GRID2: variants seen among roughly 807,000 people sequenced by gnomAD.
GRID2 encodes the protein glutamate ionotropic receptor delta type subunit 2.
In GRID2, 33 loss-of-function variants were observed where a neutral mutation model predicts 114.8. That is an observed-to-expected ratio of 0.29 (90% CI 0.22 to 0.38). The LOEUF is 0.38. Among genes scored for constraint, GRID2 ranks in the 10% least tolerant of loss-of-function variants. The pLI is 1.00. For synonymous variants in GRID2, 505 were observed against 449.9 expected, an observed-to-expected ratio of 1.12 and a Z score of -1.55; for missense variants, 1,184 against 1,257.7, an observed-to-expected ratio of 0.94 and a Z score of 0.89.
intron 9 of GRID2, among the ~76,000 whole-genome samples, chr4:93,404,930 C>T (rs996674188): frequency 3.9e-5 from 6 of 152,040 alleles, no homozygotes; most frequent in African/African-American, 1.4e-4. Context: ...ATTCCAGCAA[C>T]CTATGTGTCA....
At chr4:93,369,181 C>CTG (rs1312777165) in intron 8 of GRID2, among the ~76,000 whole-genome samples, 1 of 152,160 alleles carries the variant, frequency 6.6e-6, no homozygotes, top group Non-Finnish European at 1.5e-5. Flanking sequence ...GTTTCAGCTT[C>CTG]TGTTAGCTGT....
intron 14 of GRID2, among the ~76,000 whole-genome samples, chr4:93,647,525 T>C (rs1180114792): frequency 6.6e-6 from 1 of 152,198 alleles, no homozygotes; most frequent in Admixed American, 6.5e-5. Context: ...ATATAGTTCC[T>C]TGTTCTCATT....
At chr4:92,731,833 A>C (rs548791378) in intron 2 of GRID2, among the ~76,000 whole-genome samples, 4 of 152,118 alleles carry the variant, frequency 2.6e-5, no homozygotes, top group Admixed American at 2.6e-4. Flanking sequence ...TTATAAAGAA[A>C]CTAATAGTCA....
intron 12 of GRID2, among the ~76,000 whole-genome samples, chr4:93,502,087 A>T (rs1419416153): frequency 6.6e-6 from 1 of 152,228 alleles, no homozygotes; most frequent in East Asian, 1.9e-4. Context: ...AGTACAGAGC[A>T]TCCTTTTGTG....
chr4:93,139,245 C>T (rs1735542522), intron 4 of GRID2, among the ~76,000 whole-genome samples: 2 of 152,136 alleles, frequency 1.3e-5, no homozygotes. Context: ...CAGTGGTTAT[C>T]TGAAACCAGA....
At chr4:93,199,952 T>C (rs1158383530) in intron 4 of GRID2, among the ~76,000 whole-genome samples, 1 of 152,180 alleles carries the variant, frequency 6.6e-6, no homozygotes, top group African/African-American at 2.4e-5. Flanking sequence ...CTTGAGAAGG[T>C]TGGAGTTTCG....
At chr4:93,260,221 T>A (rs1750102937) in intron 8 of GRID2, among the ~76,000 whole-genome samples, 1 of 151,606 alleles carries the variant, frequency 6.6e-6, no homozygotes, top group African/African-American at 2.4e-5. Context: ...ACAAAAGCAA[T>A]TTTACATTAT....
Position 92,647,888 on chromosome 4 carries a change from A to G in GRID2, c.244+57602A>G, listed in dbSNP as rs146328833. Among the ~76,000 whole-genome samples, 1,045 of 149,872 alleles carry G rather than the reference A, an allele frequency of 7.0e-3. 19 individuals are homozygous for G. The highest frequency in any genetic ancestry group is 0.026 in the South Asian group (122 of 4,780). On this transcript the variant is annotated intron_variant, in intron 2 of 15. Coordinates refer to ENST00000282020, the MANE Select transcript of GRID2 (RefSeq NM_001510.4). ...TAAATAGAAATTAGTTGAATTAGACAGAATGGCCTAGTTTCACTTATGTGA... is the reference window on the plus strand; with the variant it reads ...TAAATAGAAATTAGTTGAATTAGACGGAATGGCCTAGTTTCACTTATGTGA...
intron 8 of GRID2, chr4:93,318,514 G>A (rs143209969): frequency 2.6e-5 from 4 of 152,226 alleles, no homozygotes; most frequent in African/African-American, 9.6e-5. Context: ...CTGAATGTAT[G>A]CTGGACTCAT....
intron 2 of GRID2, among the ~76,000 whole-genome samples, chr4:92,697,039 C>T (rs1332735802): frequency 6.6e-6 from 1 of 152,184 alleles, no homozygotes; most frequent in Non-Finnish European, 1.5e-5. Flanking sequence ...TGTTTGTGTG[C>T]ACTTCCTACA....
chr4:93,038,851 T>C (rs1578818346), intron 2 of GRID2, among the ~76,000 whole-genome samples: 3 of 151,706 alleles, frequency 2.0e-5, no homozygotes, highest in African/African-American at 4.8e-5. Flanking sequence ...GAAATAGGAA[T>C]GCTTTCACAC....
chr4:92,902,962 T>C (rs1314529578), intron 2 of GRID2, among the ~76,000 whole-genome samples: 3 of 152,036 alleles, frequency 2.0e-5, no homozygotes, highest in Non-Finnish European at 2.9e-5. Context: ...CTATACCTCA[T>C]AGCATCATTT....
At chr4:93,675,362 G>C (rs1724761074) in intron 14 of GRID2, among the ~76,000 whole-genome samples, 2 of 152,188 alleles carry the variant, frequency 1.3e-5, no homozygotes, top group Admixed American at 6.5e-5. Context: ...AGTAACTTGT[G>C]AGTAGTAGTT....
intron 2 of GRID2, among the ~76,000 whole-genome samples, chr4:93,043,090 G>C (rs544350235): frequency 6.6e-6 from 1 of 152,138 alleles, no homozygotes; most frequent in African/African-American, 2.4e-5. Context: ...AAGATATCAA[G>C]GTCTGTTAAT....
intron 2 of GRID2, among the ~76,000 whole-genome samples, chr4:92,698,014 C>T (rs1273843880): frequency 6.6e-6 from 1 of 152,048 alleles, no homozygotes; most frequent in Non-Finnish European, 1.5e-5. Flanking sequence ...CAATTAAATA[C>T]ATCAACTCAT....
At chr4:92,835,590 T>C (rs1259433652) in intron 2 of GRID2, among the ~76,000 whole-genome samples, 1 of 152,104 alleles carries the variant, frequency 6.6e-6, no homozygotes, top group Admixed American at 6.6e-5. Flanking sequence ...TTTCATAGGC[T>C]GTAGCCTAAT....
intron 8 of GRID2, among the ~76,000 whole-genome samples, chr4:93,363,966 A>G (rs1762105975): frequency 6.6e-6 from 1 of 151,780 alleles, no homozygotes; most frequent in Non-Finnish European, 1.5e-5. Context: ...CTGTATTTTT[A>G]TTCATCTCAT....
chr4:93,428,708 G>A (rs1406109475), intron 10 of GRID2, among the ~76,000 whole-genome samples: 1 of 152,054 alleles, frequency 6.6e-6, no homozygotes, highest in Admixed American at 6.6e-5. Context: ...ACCTATTAAA[G>A]CATGAGGTCA....
Position 93,021,201 on chromosome 4 carries a change from T to C in GRID2, c.245-63794T>C, listed in dbSNP as rs551492707. On this transcript the variant is annotated intron_variant, in intron 2 of 15. Coordinates refer to ENST00000282020, the MANE Select transcript of GRID2 (RefSeq NM_001510.4). ...GCCTGAAAAAATAAGTTTTGTATTA[T>C]TCATGAAAATAACTGGAGCATTTTT... 1.4e-3 allele frequency among the ~76,000 whole-genome samples: 211 copies of C among 152,008 alleles called. 1 individual carries two copies. Among genetic ancestry groups the C allele is most frequent in the African/African-American group, 4.9e-3 (203 of 41,518 alleles).
Sources: allele counts gnomAD v4.1 joint callset (sites outside exome capture counted in the v4.1 genomes callset), GRCh38; gene constraint gnomAD v4.1.1; transcripts MANE v1.5; gene names NCBI Gene and HGNC (gene_info 2026-07-23, HGNC 2026-07-21).